FBXO38: variants seen among roughly 807,000 people sequenced by gnomAD.
FBXO38 encodes the protein F-box only protein 38.
Under a neutral mutation model 131.9 loss-of-function variants are expected in FBXO38, and 53 were observed. That is an observed-to-expected ratio of 0.40 (90% confidence interval 0.32 to 0.51). The LOEUF is 0.51. Among genes scored for constraint, FBXO38 ranks in the 20% least tolerant of loss-of-function variants. The probability of loss-of-function intolerance (pLI) is 0.53; values close to 1 mark genes in which losing one functional copy is unlikely to be tolerated. For synonymous variants in FBXO38, 452 were observed against 505.6 expected (o/e 0.89, Z 1.42); for missense variants, 1,076 against 1,475.6 (o/e 0.73, Z 4.44).
intron 8 of FBXO38, 58 bp from the exon 9 acceptor site, chr5:148,410,577 A>G: frequency 1.3e-6 from 2 of 1,588,672 alleles, no homozygotes; most frequent in Non-Finnish European, 1.7e-6. Context: ...ATTAGGAGGA[A>G]TCTTTGATTC....
chr5:148,421,543 C>CT lies in FBXO38; in HGVS notation c.1619-2449dup, dbSNP rs543492138. Among the ~76,000 whole-genome samples the CT allele has an allele frequency of 2.3e-3, 356 of 152,100 alleles. 4 individuals carry two copies. The highest frequency in any genetic ancestry group is 8.2e-3 in the African/African-American group (342 of 41,472). On this transcript the variant is annotated intron_variant, in intron 12 of 21. Transcript: ENST00000340253. ...AAGAGGCAATGAATTCTTTATAAGACTTTTTTACAGCTGAAATAACATTTC... is the reference window on the plus strand; with the variant it reads ...AAGAGGCAATGAATTCTTTATAAGACTTTTTTTACAGCTGAAATAACATTTC...
intron 1 of FBXO38, among the ~76,000 whole-genome samples, chr5:148,386,290 CT>C (rs1757910878): frequency 6.6e-6 from 1 of 152,172 alleles, no homozygotes; most frequent in Admixed American, 6.5e-5. Context: ...AGAATGTTTA[CT>C]GTAACCTGGG....
At chr5:148,398,913 G>A in intron 2 of FBXO38, 86 bp from the exon 3 acceptor site, 1 of 1,440,212 alleles carries the variant, frequency 6.9e-7, no homozygotes, top group South Asian at 1.2e-5. Flanking sequence ...AGTGGTAGGA[G>A]ATTGGAAGAA....
intron 15 of FBXO38, among the ~76,000 whole-genome samples, chr5:148,428,602 T>A (rs1753860074): frequency 6.6e-6 from 1 of 152,222 alleles, no homozygotes; most frequent in Non-Finnish European, 1.5e-5. Context: ...CTGACCTTAT[T>A]TTTAAGTACT....
chr5:148,423,999 A>G lies in FBXO38; in HGVS notation c.1620A>G (p.Ala540=). 6.2e-7 allele frequency: 1 copy of G among 1,610,954 alleles called. No individual in the cohort carries two copies. Among genetic ancestry groups the G allele is most frequent in the Non-Finnish European group, 8.5e-7 (1 of 1,178,918 alleles). The change falls in exon 13 of 22, where the codon GCA becomes GCG. Residue 540 remains alanine (A), a splice_region_variant and synonymous_variant. Coordinates refer to ENST00000340253, the MANE Select transcript of FBXO38 (RefSeq NM_205836.3). The part of the protein sequence containing the change: ...QPGEQQFAAD[A]LNEMEDIVQE... ...ACTTTGTGTATATTTTCGTTGAAGC[A>G]TTAAATGAGATGGAAGACATCGTCC...
Position 148,427,441 on chromosome 5 carries a change from G to C in FBXO38, c.2147G>C (p.Ser716Thr). ...STTASTVGNSSSHNTASQSPD... is the reference protein window; with the variant it reads ...STTASTVGNSTSHNTASQSPD... ...ACCGCCAGCACAGTGGGAAACTCCAGCTCACACAACACTGCTTCTCAAAGC... is the reference window on the plus strand; with the variant it reads ...ACCGCCAGCACAGTGGGAAACTCCACCTCACACAACACTGCTTCTCAAAGC... The change falls in exon 15 of 22, where the codon AGC (serine) becomes ACC (threonine). Residue 716 changes from serine (S) to threonine (T), a missense_variant. Physicochemically the swap from Ser to Thr is moderately conservative, Grantham distance 58. This residue lies in a region of FBXO38 where 213 missense variants were observed against 225.2 expected (regional missense o/e 0.95). Transcript: ENST00000340253. The C allele has an allele frequency of 1.9e-6, 3 of 1,614,182 alleles. No individual in the cohort carries two copies. The highest frequency in any genetic ancestry group is 2.5e-6 in the Non-Finnish European group (3 of 1,180,032).
chr5:148,394,589 A>G (rs1425691560), intron 1 of FBXO38, 125 bp from the exon 2 acceptor site: 2 of 344,756 alleles, frequency 5.8e-6, no homozygotes, highest in Non-Finnish European at 1.0e-5. Context: ...ATTTTTATTA[A>G]TTTGAATGTG....
At chr5:148,422,052 T>A (rs1476525929) in intron 12 of FBXO38, among the ~76,000 whole-genome samples, 1 of 152,040 alleles carries the variant, frequency 6.6e-6, no homozygotes, top group African/African-American at 2.4e-5. Context: ...TTTCTCTTTT[T>A]TTTTTTTTTA....
chr5:148,433,980 A>T (rs1202893680), intron 17 of FBXO38: 1 of 283,694 alleles, frequency 3.5e-6, no homozygotes, highest in Non-Finnish European at 6.6e-6. Flanking sequence ...TTACTGCCTG[A>T]TCTGGCAGAG....
chr5:148,436,110 A>G (rs1392011936), intron 17 of FBXO38, among the ~76,000 whole-genome samples: 1 of 152,166 alleles, frequency 6.6e-6, no homozygotes, highest in African/African-American at 2.4e-5. Flanking sequence ...TAACCCAAAG[A>G]CTCAAAGGGA....
In FBXO38 at chr5:148,439,684, G is replaced by C; in HGVS notation, c.3062G>C (p.Gly1021Ala). 6.2e-7 allele frequency: 1 copy of C among 1,607,094 alleles called. No individual in the cohort carries two copies. Among genetic ancestry groups the C allele is most frequent in the Non-Finnish European group, 8.5e-7 (1 of 1,179,648 alleles). ...ACTTTGGAGCAGAAGCTATTTAGTG[G>C]TCCCTACCCCTATCACATCTGTATT... is the stretch of plus-strand genomic sequence containing the variant. ...TLTLEQKLFSGPYPYHICIIH... is the reference protein window; with the variant it reads ...TLTLEQKLFSAPYPYHICIIH... Residue 1021 changes from glycine to alanine, a missense_variant, in exon 19 of 22, where the codon GGT becomes GCT. Physicochemically the swap from Gly to Ala is moderately conservative, Grantham distance 60. Transcript: ENST00000340253.
chr5:148,404,829 G>A lies in FBXO38; in HGVS notation c.730+7G>A. The A allele has an allele frequency of 6.3e-6, 10 of 1,588,430 alleles. No individual in the cohort carries two copies. The highest frequency in any genetic ancestry group is 8.5e-6 in the Non-Finnish European group (10 of 1,172,218). On this transcript the variant is annotated splice_region_variant and intron_variant, in intron 6 of 21. Coordinates refer to ENST00000340253, the MANE Select transcript of FBXO38 (RefSeq NM_205836.3). ...GTCATGAGGAACTGTGCAGGTAATG[G>A]TACACAATTATGGTGGAATTAAACA...
At chr5:148,414,461 A>C (rs1329632302) in intron 10 of FBXO38, among the ~76,000 whole-genome samples, 155 bp downstream of exon 10, 2 of 152,178 alleles carry the variant, frequency 1.3e-5, no homozygotes, top group African/African-American at 2.4e-5. Context: ...TTGATAACCA[A>C]GTTGGAAGTA....
At chr5:148,405,016 CA>C (rs764926425) in intron 6 of FBXO38, among the ~76,000 whole-genome samples, 194 bp downstream of exon 6, 68 of 122,686 alleles carry the variant, frequency 5.5e-4, no homozygotes, top group Admixed American at 8.1e-4. Flanking sequence ...TTGACCTCAG[CA>C]AAAAAAAAAA....
At chr5:148,404,487 T>C (rs1016229801) in intron 5 of FBXO38, among the ~76,000 whole-genome samples, 198 bp from the exon 6 acceptor site, 24 of 152,172 alleles carry the variant, frequency 1.6e-4, no homozygotes, top group African/African-American at 5.8e-4. Context: ...TTAAGTCAGT[T>C]TATGGTTTAC....
In FBXO38 at chr5:148,401,226, A is replaced by G. The variant is rs1446662272; in HGVS notation, c.263-756A>G. ...TGTAACAGATTAAAATAGGATCTAT[A>G]TGAGACTTGTCTCCCCACTTACTTA... On this transcript the variant is annotated intron_variant, in intron 3 of 21. Transcript: ENST00000340253. Among the ~76,000 whole-genome samples the G allele has an allele frequency of 2.0e-5, 3 of 152,282 alleles. No individual in the cohort carries two copies. In the East Asian group the frequency reaches 5.8e-4, roughly 29 times the overall value.
rs759030587 is a variant in FBXO38, at chr5:148,442,013, A to T, written c.3433A>T (p.Ile1145Phe). Reference protein sequence around the residue: ...PRRKGQLSADICMETIGEEIS... With the variant: ...PRRKGQLSADFCMETIGEEIS... ...AAGGAAAGGACAGCTGTCTGCAGAC[A>T]TCTGTATGGAAACAATAGGAGAGGA... Residue 1145 changes from isoleucine (I) to phenylalanine (F), a missense_variant, in exon 22 of 22, where the codon ATC becomes TTC. By Grantham distance (21) the Ile-to-Phe change is conservative. Coordinates refer to ENST00000340253, the MANE Select transcript of FBXO38 (RefSeq NM_205836.3). The T allele has an allele frequency of 2.7e-5, 44 of 1,614,080 alleles. No homozygotes were observed. The highest frequency in any genetic ancestry group is 3.6e-5 in the Non-Finnish European group (43 of 1,179,990).
At chr5:148,412,798 A>G (rs555757703) in intron 9 of FBXO38, among the ~76,000 whole-genome samples, 17 of 152,122 alleles carry the variant, frequency 1.1e-4, no homozygotes, top group Non-Finnish European at 2.2e-4. Flanking sequence ...GTATACATTT[A>G]CAGTAATCTC....
In FBXO38 at chr5:148,416,090, G is replaced by A; in HGVS notation, c.1407+20G>A. On this transcript the variant is annotated intron_variant, in intron 11 of 21. Coordinates refer to ENST00000340253, the MANE Select transcript of FBXO38 (RefSeq NM_205836.3). ...CCCAAGGTAAGATACATTTGAGGGA[G>A]TTTTTGTTTATTTTGATAGGAAAGA... The A allele has an allele frequency of 6.8e-7, 1 of 1,481,390 alleles. No homozygotes were observed. Among genetic ancestry groups the A allele is most frequent in the Non-Finnish European group, 9.0e-7 (1 of 1,111,546 alleles). The allele number at this position is 1,481,390 out of a possible 1,614,324, so 91.8% of individuals were successfully genotyped here.
Sources: gnomAD v4.1 joint callset for allele counts (sites outside exome capture counted in the v4.1 genomes callset) on GRCh38, gnomAD v4.1.1 for gene constraint, gnomAD v4.1.1 regional missense constraint, MANE v1.5 for transcripts, NCBI Gene and HGNC (gene_info 2026-07-23, HGNC 2026-07-21) for gene names.